DACH1: variants seen among roughly 807,000 people sequenced by gnomAD.
The protein encoded by DACH1 is dachshund homolog 1.
Under a neutral mutation model 54.2 loss-of-function variants are expected in DACH1, and 12 were observed. The observed-to-expected ratio is 0.22, with a 90% confidence interval of 0.14 to 0.36. The LOEUF (loss-of-function observed/expected upper bound fraction) is 0.36. Among genes scored for constraint, DACH1 ranks in the 10% least tolerant of loss-of-function variants. The pLI is 1.00. For missense variants in DACH1, 805 were observed against 929.8 expected, an observed-to-expected ratio of 0.87 and a Z score of 1.75; for synonymous variants, 386 against 366.2, an observed-to-expected ratio of 1.05 and a Z score of -0.62.
At chr13:71,822,925 A>C (rs913309542) in intron 1 of DACH1, among the ~76,000 whole-genome samples, 1 of 152,150 alleles carries the variant, frequency 6.6e-6, no homozygotes, top group Non-Finnish European at 1.5e-5. Context: ...GTAAAGAATA[A>C]AGAAAAATGT....
intron 3 of DACH1, among the ~76,000 whole-genome samples, chr13:71,629,550 A>G (rs1039010814): frequency 3.9e-5 from 6 of 152,268 alleles, no homozygotes; most frequent in African/African-American, 1.4e-4. Flanking sequence ...TGTGAAAATG[A>G]TTGTTACTAA....
rs193173145 is a variant in DACH1, at chr13:71,832,879, C to G, written c.848+33043G>C. Among the ~76,000 whole-genome samples, 70 of 152,020 alleles carry G rather than the reference C, an allele frequency of 4.6e-4. No individual in the cohort carries two copies. The East Asian group carries it at 0.011, about 24-fold the overall frequency. On this transcript the variant is annotated intron_variant, in intron 1 of 10. Transcript: ENST00000613252. ...TGTTTTTATATATAGATAACTCCTA[C>G]TATTCTAAAAAGAGGAGTAATTAAT... is the stretch of plus-strand genomic sequence containing the variant.
chr13:71,605,723 T>C (rs1874830142), intron 3 of DACH1, among the ~76,000 whole-genome samples: 1 of 152,034 alleles, frequency 6.6e-6, no homozygotes, highest in African/African-American at 2.4e-5. Context: ...GTCTTACTTT[T>C]ATTATGAAAA....
intron 6 of DACH1, among the ~76,000 whole-genome samples, chr13:71,545,292 G>A (rs753023788): frequency 7.2e-5 from 11 of 151,774 alleles, no homozygotes; most frequent in Non-Finnish European, 1.5e-4. Flanking sequence ...TCTCTTAGAC[G>A]AATATAAAAC....
At chr13:71,668,187 C>T (rs754196108) in intron 2 of DACH1, among the ~76,000 whole-genome samples, 15 of 151,894 alleles carry the variant, frequency 9.9e-5, no homozygotes, top group Non-Finnish European at 1.6e-4. Context: ...AAACATTTTA[C>T]ATGTTTAAAG....
intron 1 of DACH1, among the ~76,000 whole-genome samples, chr13:71,812,505 G>GCATCAAAATGGCACCATCAGAAACA (rs530587491): frequency 6.0e-5 from 9 of 150,534 alleles, no homozygotes; most frequent in South Asian, 4.2e-4. Context: ...GTGGTTAGAG[G>GCATCAAAATGGCACCATCAGAAACA]CATCAAAATG....
At chr13:71,744,357 G>A (rs61046190) in intron 1 of DACH1, among the ~76,000 whole-genome samples, 2,269 of 152,252 alleles carry the variant, frequency 0.015, 48 homozygotes, top group African/African-American at 0.041. Context: ...TGCCTGATAC[G>A]GTTCAAGAAA....
chr13:71,551,683 A>G (rs1883827853), intron 6 of DACH1, among the ~76,000 whole-genome samples: 1 of 152,116 alleles, frequency 6.6e-6, no homozygotes, highest in African/African-American at 2.4e-5. Context: ...ATAAAAATAT[A>G]TTTCAAAAAT....
rs398023338 is a variant in DACH1, at chr13:71,692,506, C to CT, written c.849-10597dup. Among the ~76,000 whole-genome samples the CT allele has an allele frequency of 3.1e-3, 136 of 44,440 alleles. 14 individuals are homozygous for CT. The highest frequency in any genetic ancestry group is 0.015 in the East Asian group (12 of 826). 29.2% of individuals were successfully genotyped at this position (44,440 alleles called of 152,430 possible). On this transcript the variant is annotated intron_variant, in intron 1 of 10. Coordinates refer to ENST00000613252, the MANE Select transcript of DACH1 (RefSeq NM_080759.6). ...CCTTTCTTTTTCTTTCTTTTCTTTC[C>CT]TTTTTTTTTTTTTTTTTTTTTTTTT...
intron 1 of DACH1, among the ~76,000 whole-genome samples, chr13:71,698,029 T>C (rs1017185359): frequency 4.6e-5 from 7 of 152,108 alleles, no homozygotes; most frequent in African/African-American, 1.7e-4. Flanking sequence ...AAAACATTTT[T>C]AAGACAATTA....
intron 3 of DACH1, among the ~76,000 whole-genome samples, chr13:71,578,123 G>A (rs967556674): frequency 6.6e-6 from 1 of 152,064 alleles, no homozygotes; most frequent in Non-Finnish European, 1.5e-5. Flanking sequence ...TTTATACCTA[G>A]GTGACATGTA....
intron 3 of DACH1, among the ~76,000 whole-genome samples, chr13:71,597,133 G>T (rs1874152492): frequency 6.6e-6 from 1 of 152,090 alleles, no homozygotes; most frequent in Non-Finnish European, 1.5e-5. Flanking sequence ...TATGATTTTT[G>T]TGATGTAGCG....
In DACH1 at chr13:71,700,599, A is replaced by AGG. The variant is rs1186771969; in HGVS notation, c.849-18690_849-18689insCC. Among the ~76,000 whole-genome samples, 41 of 148,720 alleles carry AGG rather than the reference A, an allele frequency of 2.8e-4. No individual in the cohort carries two copies. The South Asian group carries it at 8.2e-3, about 30-fold the overall frequency. ...AAAAAAAAAAAAGAGAGAGAGAGAGAGAGAGAGCAAGCTTAGTTAGAAATA... is the reference window on the plus strand; with the variant it reads ...AAAAAAAAAAAAGAGAGAGAGAGAGAGGGAGAGAGCAAGCTTAGTTAGAAATA... On this transcript the variant is annotated intron_variant, in intron 1 of 10. Transcript: ENST00000613252.
chr13:71,816,677 CAT>C (rs1186879484), intron 1 of DACH1, among the ~76,000 whole-genome samples: 8 of 125,400 alleles, frequency 6.4e-5, no homozygotes, highest in African/African-American at 1.8e-4. Context: ...TATATACACA[CAT>C]ATATATATAC....
chr13:71,485,075 GA>G (rs1457901360), intron 7 of DACH1, among the ~76,000 whole-genome samples: 2 of 150,424 alleles, frequency 1.3e-5, no homozygotes, highest in Non-Finnish European at 3.0e-5. Flanking sequence ...AAAAAAAAAA[GA>G]AAAAAGAGTA....
chr13:71,532,190 T>C (rs1182119384), intron 6 of DACH1, among the ~76,000 whole-genome samples: 1 of 151,986 alleles, frequency 6.6e-6, no homozygotes, highest in African/African-American at 2.4e-5. Flanking sequence ...AAAGATAATT[T>C]TAGCTGGCAA....
chr13:71,547,628 G>A (rs1393284401), intron 6 of DACH1, among the ~76,000 whole-genome samples: 1 of 152,042 alleles, frequency 6.6e-6, no homozygotes, highest in African/African-American at 2.4e-5. Context: ...GTGGTAGTAA[G>A]CAAGGAAAAG....
intron 3 of DACH1, among the ~76,000 whole-genome samples, chr13:71,604,927 A>G (rs1246792775): frequency 6.6e-6 from 1 of 151,708 alleles, no homozygotes; most frequent in East Asian, 1.9e-4. Flanking sequence ...TTACATGTAA[A>G]CCGAAACACT....
intron 1 of DACH1, among the ~76,000 whole-genome samples, chr13:71,770,310 A>C (rs1885800641): frequency 6.6e-6 from 1 of 151,632 alleles, no homozygotes; most frequent in South Asian, 2.1e-4. Context: ...AAGTATCAAC[A>C]ATGTTATTTT....
Sources: gnomAD v4.1 joint callset for allele counts (sites outside exome capture counted in the v4.1 genomes callset) on GRCh38, gnomAD v4.1.1 for gene constraint, MANE v1.5 for transcripts, NCBI Gene and HGNC (gene_info 2026-07-23, HGNC 2026-07-21) for gene names.